The following ARHGAP6 variants were observed in gnomAD, a reference collection of about 807,000 sequenced individuals.
The protein encoded by ARHGAP6 is rho GTPase-activating protein 6.
In ARHGAP6, 16 loss-of-function variants were observed where a neutral mutation model predicts 55.7. That is an observed-to-expected ratio of 0.29 (90% CI 0.19 to 0.44). The LOEUF (loss-of-function observed/expected upper bound fraction) is 0.44, where lower values mean the gene tolerates loss of function less well. Among genes scored for constraint, ARHGAP6 ranks in the 20% least tolerant of loss-of-function variants. ARHGAP6 has a pLI of 1.00. For synonymous variants in ARHGAP6, 382 were observed against 360.9 expected, an observed-to-expected ratio of 1.06 and a Z score of -0.66; for missense variants, 698 against 808.9, an observed-to-expected ratio of 0.86 and a Z score of 1.66.
At chrX:11,607,016 T>C (rs909845193) in intron 1 of ARHGAP6, among the ~76,000 whole-genome samples, 6 of 112,093 alleles carry the variant, frequency 5.4e-5, no homozygotes, top group African/African-American at 3.2e-5. Context: ...CAGTATTAAT[T>C]TGATTAAGTA....
At chrX:11,618,860 T>C (rs912900896) in intron 1 of ARHGAP6, among the ~76,000 whole-genome samples, 1 of 111,689 alleles carries the variant, frequency 9.0e-6, no homozygotes, top group Non-Finnish European at 1.9e-5. Context: ...AGGAGGAGCA[T>C]AGTCACTGTA....
intron 1 of ARHGAP6, among the ~76,000 whole-genome samples, chrX:11,624,923 A>T (rs2052277140): frequency 9.0e-6 from 1 of 111,659 alleles, no homozygotes; most frequent in African/African-American, 3.3e-5. Flanking sequence ...AACATCACTA[A>T]TCATCAGGGA....
chrX:11,171,828 T>C (rs1270803539), intron 8 of ARHGAP6, among the ~76,000 whole-genome samples: 1 of 111,433 alleles, frequency 9.0e-6, no homozygotes, highest in Non-Finnish European at 1.9e-5. Flanking sequence ...GCCCACTAGA[T>C]GCCAGGAGCA....
intron 1 of ARHGAP6, among the ~76,000 whole-genome samples, chrX:11,447,028 G>A (rs1238614913): frequency 8.9e-6 from 1 of 112,117 alleles, no homozygotes; most frequent in Non-Finnish European, 1.9e-5. Context: ...TTAGAATACC[G>A]TCATTGGTCT....
At chrX:11,324,944 C>T (rs993818606) in intron 1 of ARHGAP6, among the ~76,000 whole-genome samples, 1 of 111,931 alleles carries the variant, frequency 8.9e-6, no homozygotes, top group Non-Finnish European at 1.9e-5. Context: ...CTGCAAGCTC[C>T]GCTTCCCGGG....
chrX:11,322,735 G>A (rs766722806), intron 1 of ARHGAP6, among the ~76,000 whole-genome samples: 1 of 112,193 alleles, frequency 8.9e-6, no homozygotes, highest in Non-Finnish European at 1.9e-5. Flanking sequence ...CCTAAGTGTT[G>A]TATGTACACA....
At chrX:11,285,377 T>G (rs1261940285) in intron 1 of ARHGAP6, among the ~76,000 whole-genome samples, 2 of 111,233 alleles carry the variant, frequency 1.8e-5, no homozygotes, top group Non-Finnish European at 3.8e-5. Flanking sequence ...TCAGCTTGAG[T>G]TTAAGGGCCT....
chrX:11,469,421 A>G (rs1396905774), intron 1 of ARHGAP6, among the ~76,000 whole-genome samples: 1 of 112,492 alleles, frequency 8.9e-6, no homozygotes, highest in African/African-American at 3.2e-5. Context: ...TTTTTTAAAA[A>G]CACAAGTACC....
chrX:11,311,947 T>C (rs189308854), intron 1 of ARHGAP6, among the ~76,000 whole-genome samples: 1 of 111,323 alleles, frequency 9.0e-6, no homozygotes, highest in Non-Finnish European at 1.9e-5. Context: ...CAAATTTCTA[T>C]GGAAAATGAA....
Position 11,535,232 on chromosome X carries a change from G to A in ARHGAP6, c.588+129009C>T, listed in dbSNP as rs1265030675. Among the ~76,000 whole-genome samples, 3 of 111,526 alleles carry A rather than the reference G, an allele frequency of 2.7e-5. No homozygotes were observed. The Admixed American group carries it at 2.9e-4, about 11-fold the overall frequency. On this transcript the variant is annotated intron_variant, in intron 1 of 12. Transcript: ENST00000337414. ...CCTGCTTCCCATGTATCTGTGTTAT[G>A]TCTGCCCCCATTACCCATAGAAGTC... is the stretch of plus-strand genomic sequence containing the variant.
In ARHGAP6 at chrX:11,313,799, T is replaced by A. The variant is rs190750602; in HGVS notation, c.589-59092A>T. Among the ~76,000 whole-genome samples, 5 of 112,226 alleles carry A rather than the reference T, an allele frequency of 4.5e-5. No individual in the cohort carries two copies. The East Asian group carries it at 1.4e-3, about 31-fold the overall frequency. On this transcript the variant is annotated intron_variant, in intron 1 of 12. Coordinates refer to ENST00000337414, the MANE Select transcript of ARHGAP6 (RefSeq NM_013427.3). ...AGGTGCTAAGAATTTTGATAAATGA[T>A]TGAAGGAAGACAAGTACGCTTTGAT...
intron 3 of ARHGAP6, among the ~76,000 whole-genome samples, chrX:11,189,781 A>ATGTATGT (rs2147349166): frequency 2.7e-5 from 3 of 112,480 alleles, no homozygotes; most frequent in African/African-American, 9.7e-5. Context: ...TTGGAGACAT[A>ATGTATGT]CATAGAGTTC....
At chrX:11,513,598 T>C (rs1013081669) in intron 1 of ARHGAP6, among the ~76,000 whole-genome samples, 7 of 110,934 alleles carry the variant, frequency 6.3e-5, no homozygotes, top group Non-Finnish European at 1.1e-4. Flanking sequence ...TCCGTAATAG[T>C]TTTCTAGCTG....
chrX:11,166,116 AC>A (rs772080379), intron 9 of ARHGAP6, among the ~76,000 whole-genome samples: 2 of 111,899 alleles, frequency 1.8e-5, no homozygotes, highest in African/African-American at 3.3e-5. Flanking sequence ...CTTCTGTATT[AC>A]AGGACGAAGC....
intron 1 of ARHGAP6, among the ~76,000 whole-genome samples, chrX:11,560,106 C>A (rs1372400421): frequency 9.1e-6 from 1 of 110,121 alleles, no homozygotes; most frequent in Non-Finnish European, 1.9e-5. Context: ...AAGAGAGCAC[C>A]CGATTCTCAA....
intron 1 of ARHGAP6, among the ~76,000 whole-genome samples, chrX:11,623,701 A>G (rs1284502613): frequency 2.4e-5 from 2 of 84,623 alleles, no homozygotes; most frequent in South Asian, 5.2e-4. Flanking sequence ...GGTCTCAAAA[A>G]AAAAAAAAAA....
At chrX:11,470,482 G>T (rs568498436) in intron 1 of ARHGAP6, among the ~76,000 whole-genome samples, 2 of 112,573 alleles carry the variant, frequency 1.8e-5, no homozygotes, top group Middle Eastern at 9.1e-3. Context: ...CTTCAGCAAA[G>T]AAAATATCAG....
intron 1 of ARHGAP6, among the ~76,000 whole-genome samples, chrX:11,410,384 T>C (rs756311743): frequency 7.1e-5 from 8 of 112,551 alleles, no homozygotes; most frequent in Admixed American, 1.9e-4. Flanking sequence ...GGACCACGTA[T>C]TGTATGATTC....
intron 1 of ARHGAP6, among the ~76,000 whole-genome samples, chrX:11,345,318 C>CAAT (rs1339311324): frequency 8.9e-6 from 1 of 112,031 alleles, no homozygotes; most frequent in Non-Finnish European, 1.9e-5. Flanking sequence ...ATTCCTCTGA[C>CAAT]AATAGCCTCT....
Sources: gnomAD v4.1 joint callset for allele counts (sites outside exome capture counted in the v4.1 genomes callset) on GRCh38, gnomAD v4.1.1 for gene constraint, MANE v1.5 for transcripts, NCBI Gene and HGNC (gene_info 2026-07-23, HGNC 2026-07-21) for gene names.